FTCDNL1: variants seen among roughly 807,000 people sequenced by gnomAD.
The protein encoded by FTCDNL1 is formiminotransferase cyclodeaminase N-terminal like, also known as formiminotransferase N-terminal subdomain-containing protein.
Under a neutral mutation model 5.9 loss-of-function variants are expected in FTCDNL1, and 11 were observed. The observed-to-expected ratio is 1.87, with a 90% CI of 1.18 to 3.10. FTCDNL1 has a LOEUF of 3.10. Among genes scored for constraint, FTCDNL1 ranks in the 30% most tolerant of loss-of-function variants. FTCDNL1 has a pLI of 0.00. For synonymous variants in FTCDNL1, 58 were observed against 24.8 expected (o/e 2.34, Z -3.99); for missense variants, 115 against 65.5 (o/e 1.76, Z -2.61).
rs936478991 is a variant in FTCDNL1, at chr2:199,810,116, T to G, written c.*2589A>C. Among the ~76,000 whole-genome samples, 3 of 152,086 alleles carry G rather than the reference T, an allele frequency of 2.0e-5. No homozygotes were observed. The highest frequency in any genetic ancestry group is 4.4e-5 in the Non-Finnish European group (3 of 68,028). ...AAGCACGGTTAAGAGCTAAGCGTCATCAGCAGCAACAGGCCTTAGACCTTC... is the reference window on the plus strand; with the variant it reads ...AAGCACGGTTAAGAGCTAAGCGTCAGCAGCAGCAACAGGCCTTAGACCTTC... On this transcript the variant is annotated 3_prime_UTR_variant, in exon 5 of 5. Coordinates refer to ENST00000420128, the MANE Select transcript of FTCDNL1 (RefSeq NM_001363886.2).
chr2:199,708,524 G>T, the FTCDNL1 span, among the ~76,000 whole-genome samples: 1 of 152,022 alleles, frequency 6.6e-6, no homozygotes, highest in Non-Finnish European at 1.5e-5. Flanking sequence ...AAAGTATTGG[G>T]CTGTGTTTGT....
At chr2:199,708,652 G>T in the FTCDNL1 span, among the ~76,000 whole-genome samples, 1 of 152,052 alleles carries the variant, frequency 6.6e-6, no homozygotes, top group Admixed American at 6.6e-5. Flanking sequence ...TCACTATGAA[G>T]ACATAACCTT....
intron 3 of FTCDNL1, among the ~76,000 whole-genome samples, chr2:199,791,690 T>C (rs1699933020): frequency 6.6e-6 from 1 of 152,190 alleles, no homozygotes; most frequent in African/African-American, 2.4e-5. Context: ...TTATGTTAAA[T>C]CCATATAATG....
intron 3 of FTCDNL1, among the ~76,000 whole-genome samples, chr2:199,764,603 GA>G (rs1333581738): frequency 6.6e-6 from 1 of 152,188 alleles, no homozygotes; most frequent in Non-Finnish European, 1.5e-5. Flanking sequence ...GTTGCTTTCT[GA>G]GTAAGTGCAG....
chr2:199,696,302 C>A, the FTCDNL1 span, among the ~76,000 whole-genome samples: 4 of 152,206 alleles, frequency 2.6e-5, no homozygotes, highest in Non-Finnish European at 5.9e-5. Context: ...GACCCTGCTG[C>A]ACTGTTGCTC....
chr2:199,728,532 G>C, the FTCDNL1 span, among the ~76,000 whole-genome samples: 3 of 152,186 alleles, frequency 2.0e-5, no homozygotes, highest in Non-Finnish European at 4.4e-5. Flanking sequence ...ACAGGCGTGA[G>C]CCACCATGCC....
At chr2:199,738,975 A>G in the FTCDNL1 span, among the ~76,000 whole-genome samples, 1 of 152,210 alleles carries the variant, frequency 6.6e-6, no homozygotes, top group Non-Finnish European at 1.5e-5. Context: ...GCACCATAAA[A>G]TGTGACAGGC....
the FTCDNL1 span, among the ~76,000 whole-genome samples, chr2:199,734,415 T>C: frequency 6.6e-6 from 1 of 152,234 alleles, no homozygotes; most frequent in African/African-American, 2.4e-5. Flanking sequence ...CAATTTCAAG[T>C]GGATTCAAAC....
the FTCDNL1 span, among the ~76,000 whole-genome samples, chr2:199,693,410 G>A: frequency 8.5e-5 from 13 of 152,148 alleles, no homozygotes; most frequent in Admixed American, 3.9e-4. Flanking sequence ...AAGCAATAGC[G>A]TATACTTTTT....
chr2:199,807,080 G>C (rs139255221), downstream of FTCDNL1, among the ~76,000 whole-genome samples: 1 of 152,180 alleles, frequency 6.6e-6, no homozygotes, highest in African/African-American at 2.4e-5. Context: ...GAAAAGCTGC[G>C]TATGGGTCGG....
chr2:199,755,193 T>C, the FTCDNL1 span, among the ~76,000 whole-genome samples: 1 of 152,230 alleles, frequency 6.6e-6, no homozygotes, highest in South Asian at 2.1e-4. Flanking sequence ...TACTGGGTAC[T>C]TGGTTCATAT....
chr2:199,695,229 A>C, the FTCDNL1 span, among the ~76,000 whole-genome samples: 1 of 152,234 alleles, frequency 6.6e-6, no homozygotes, highest in Non-Finnish European at 1.5e-5. Context: ...TAATAGAGGG[A>C]AGGCATGACA....
At chr2:199,761,988 T>C (rs1228234083) in intron 3 of FTCDNL1, among the ~76,000 whole-genome samples, 5 of 152,198 alleles carry the variant, frequency 3.3e-5, no homozygotes, top group African/African-American at 7.2e-5. Context: ...CTAGGCCACA[T>C]TGGAAGAAGA....
intron 3 of FTCDNL1, among the ~76,000 whole-genome samples, chr2:199,843,728 T>A (rs1305252960): frequency 6.6e-6 from 1 of 152,162 alleles, no homozygotes; most frequent in Non-Finnish European, 1.5e-5. Context: ...TAAGGCGGCT[T>A]TTTTTCCCCG....
At chr2:199,760,014 T>A (rs1698202315), downstream of FTCDNL1, among the ~76,000 whole-genome samples, 1 of 152,106 alleles carries the variant, frequency 6.6e-6, no homozygotes, top group Non-Finnish European at 1.5e-5. Flanking sequence ...ACAGGAAAAG[T>A]AGGGATTTAT....
chr2:199,766,768 T>TG (rs1389958490), intron 3 of FTCDNL1, among the ~76,000 whole-genome samples: 1 of 152,162 alleles, frequency 6.6e-6, no homozygotes, highest in Admixed American at 6.5e-5. Context: ...GAAAGTACTC[T>TG]CTATTGATCA....
At chr2:199,793,368 G>T (rs892319246) in intron 3 of FTCDNL1, among the ~76,000 whole-genome samples, 1 of 152,008 alleles carries the variant, frequency 6.6e-6, no homozygotes, top group Non-Finnish European at 1.5e-5. Flanking sequence ...GACGGAGGAG[G>T]GGGGGCATTA....
chr2:199,727,886 C>A, the FTCDNL1 span, among the ~76,000 whole-genome samples: 3 of 152,164 alleles, frequency 2.0e-5, no homozygotes, highest in Non-Finnish European at 4.4e-5. Flanking sequence ...AATTCCTGTT[C>A]TTAAATTCTT....
chr2:199,693,521 T>C, the FTCDNL1 span, among the ~76,000 whole-genome samples: 1 of 152,176 alleles, frequency 6.6e-6, no homozygotes, highest in Non-Finnish European at 1.5e-5. Flanking sequence ...GTGAGAGACT[T>C]GGTATCTTAA....
Sources: allele counts gnomAD v4.1 joint callset (sites outside exome capture counted in the v4.1 genomes callset), GRCh38; gene constraint gnomAD v4.1.1; transcripts MANE v1.5; gene names NCBI Gene and HGNC (gene_info 2026-07-23, HGNC 2026-07-21).